The following PLP2 variants were observed in gnomAD, a reference collection of about 807,000 sequenced individuals.
The protein encoded by PLP2 is A4 differentiation-dependent protein.
Under a neutral mutation model 11.4 loss-of-function variants are expected in PLP2, and 8 were observed. The ratio of observed to expected loss-of-function variants is 0.70; its 90% CI spans 0.41 to 1.27. The LOEUF is 1.27. Ranked by LOEUF, PLP2 falls within the 50% of genes most tolerant of loss-of-function variation. The pLI, the probability that PLP2 is intolerant of heterozygous loss-of-function variation, is 0.01. For synonymous variants in PLP2, 50 were observed against 53.2 expected (o/e 0.94, Z 0.26); for missense variants, 127 against 123.5 (o/e 1.03, Z -0.14).
chrX:49,174,361 C>T lies in PLP2; in HGVS notation c.372C>T (p.Leu124=), dbSNP rs782545835. Residue 124 remains leucine (L), a synonymous_variant, in exon 4 of 5, where the codon CTC becomes CTT. Transcript: ENST00000376327. ...AGVLGLIATC[L]FGYDAYVTFP... ...TACTGGGCCTAATCGCTACGTGCCT[C>T]TTTGGCTATGATGCCTATGTCACCT... The T allele has an allele frequency of 8.3e-7, 1 of 1,210,839 alleles. No individual in the cohort carries two copies. Among genetic ancestry groups the T allele is most frequent in the Non-Finnish European group, 1.1e-6 (1 of 894,548 alleles).
rs782375686 is a variant in PLP2 at position 49,173,450 on chromosome X, T to C, written c.312T>C (p.Val104=). 2.8e-5 allele frequency: 34 copies of C among 1,209,924 alleles called. No individual in the cohort carries two copies. In the South Asian group the frequency reaches 5.8e-4, roughly 21 times the overall value. The part of the protein sequence containing the change: ...LYLITSIVVL[V]ERGNHSKIVA... ...TGATCACCTCCATTGTTGTCCTTGT[T>C]GAGAGAGGAAACCACTCCAAAATCG... The change falls in exon 3 of 5, where the codon GTT becomes GTC. Residue 104 remains valine (V), a synonymous_variant. Coordinates refer to ENST00000376327, the MANE Select transcript of PLP2 (RefSeq NM_002668.3).
In PLP2 at chrX:49,172,082, C is replaced by T. The variant is rs1557099272; in HGVS notation, c.82C>T (p.Leu28=). The T allele has an allele frequency of 7.5e-6, 9 of 1,198,598 alleles. No homozygotes were observed. The African/African-American group carries it at 8.7e-5, about 12-fold the overall frequency. Residue 28 remains leucine (L), a synonymous_variant, in exon 1 of 5, where the codon CTG becomes TTG. Coordinates refer to ENST00000376327, the MANE Select transcript of PLP2 (RefSeq NM_002668.3). ...CTCGCGCACTCGAAAGGGAATCCTC[C>T]TGTTTGCTGAGATTGTGAGCGTTCT... The part of the protein sequence containing the change: ...NFSRTRKGIL[L]FAEIILCLVI...
Position 49,173,139 on chromosome X carries a change from T to C in PLP2, c.107T>C (p.Leu36Pro). ...ATGTCACCCTTCCAGATATTATGCC[T>C]GGTGATCCTGATCTGCTTCAGTGCC... ...ILLFAEIILC[L>P]VILICFSAST... The change falls in exon 2 of 5, where the codon CTG (leucine) becomes CCG (proline). Residue 36 changes from leucine to proline, a missense_variant. By Grantham distance (98) the Leu-to-Pro change is moderately conservative. Transcript: ENST00000376327. 8.3e-7 allele frequency: 1 copy of C among 1,210,435 alleles called. No individual in the cohort carries two copies. Among genetic ancestry groups the C allele is most frequent in the Non-Finnish European group, 1.1e-6 (1 of 894,408 alleles).
intron 1 of PLP2, among the ~76,000 whole-genome samples, chrX:49,172,801 G>A (rs781845456): frequency 8.9e-6 from 1 of 112,247 alleles, no homozygotes; most frequent in South Asian, 3.7e-4. Context: ...ACTCCCCTCA[G>A]GCTGCCCGTA....
At chrX:49,172,724 C>T (rs782666066) in intron 1 of PLP2, among the ~76,000 whole-genome samples, 203 of 112,389 alleles carry the variant, frequency 1.8e-3, no homozygotes, top group South Asian at 7.6e-3. Context: ...GGGGGAACCG[C>T]GTGTTCCGCC....
At chrX:49,172,182 A>G in intron 1 of PLP2, 86 bp downstream of exon 1, 1 of 707,559 alleles carries the variant, frequency 1.4e-6, no homozygotes, top group Non-Finnish European at 2.2e-6. Flanking sequence ...TGAGGCAGGC[A>G]CTTGGCCGGG....
Position 49,174,388 on chromosome X carries a change from C to A in PLP2, c.399C>A (p.Phe133Leu), listed in dbSNP as rs782798398. 3 of 1,205,693 alleles carry A rather than the reference C, an allele frequency of 2.5e-6. No homozygotes were observed. The Admixed American group carries it at 6.6e-5, about 27-fold the overall frequency. ...TTGGCTATGATGCCTATGTCACCTT[C>A]CCCGTTCGGCAGCCAAGACATACAG... The part of the protein sequence containing the change: ...CLFGYDAYVT[F>L]PVRQPRHTAA... Residue 133 changes from phenylalanine (F) to leucine (L), a missense_variant, in exon 4 of 5, where the codon TTC becomes TTA. Physicochemically the swap from Phe to Leu is conservative, Grantham distance 22 (BLOSUM62 0). Transcript: ENST00000376327.
chrX:49,173,481 G>C lies in PLP2; in HGVS notation c.343G>C (p.Gly115Arg). Residue 115 changes from glycine to arginine, a missense_variant and splice_region_variant, in exon 3 of 5, where the codon GGG becomes CGG. By Grantham distance (125) the Gly-to-Arg change is moderately radical. Transcript: ENST00000376327. The stretch of plus-strand genomic sequence containing the variant: ...AGGAAACCACTCCAAAATCGTCGCA[G>C]GGGTAAAGGCCATGGGAGCAGCTCT... ...ERGNHSKIVAGVLGLIATCLF... is the reference protein window; with the variant it reads ...ERGNHSKIVARVLGLIATCLF... 8.3e-7 allele frequency: 1 copy of C among 1,211,921 alleles called. No homozygotes were observed. Among genetic ancestry groups the C allele is most frequent in the Non-Finnish European group, 1.1e-6 (1 of 895,581 alleles).
chrX:49,174,656 T>C lies in PLP2; in HGVS notation c.437-16T>C. The C allele has an allele frequency of 8.3e-7, 1 of 1,203,735 alleles. No individual in the cohort carries two copies. The highest frequency in any genetic ancestry group is 1.1e-6 in the Non-Finnish European group (1 of 888,546). On this transcript the variant is annotated splice_polypyrimidine_tract_variant and intron_variant, in intron 4 of 4. Coordinates refer to ENST00000376327, the MANE Select transcript of PLP2 (RefSeq NM_002668.3). ...ATAGATTCAGCCAATGCTTTCTCTCTTTTCCTCACCTGCAGACCCCGCAGA... is the reference window on the plus strand; with the variant it reads ...ATAGATTCAGCCAATGCTTTCTCTCCTTTCCTCACCTGCAGACCCCGCAGA...
At position 49,173,273 on chromosome X, in the gene PLP2, C is replaced by G. The variant is rs992112475; in HGVS notation, c.241C>G (p.Pro81Ala). 1 of 1,210,837 alleles carries G rather than the reference C, an allele frequency of 8.3e-7. No individual in the cohort carries two copies. ...CACCAAGATACCATTCATCAACTGG[C>G]CCTGGAGTGTGAGAAGGGGTCCACA... ...LHTKIPFINW[P>A]WSDFFRTLIA... Residue 81 changes from proline (P) to alanine (A), a missense_variant, in exon 2 of 5, where the codon CCC becomes GCC. Transcript: ENST00000376327.
chrX:49,172,132 G>C (rs782676511), intron 1 of PLP2, 36 bp downstream of exon 1: 1 of 995,195 alleles, frequency 1.0e-6, no homozygotes, highest in Admixed American at 2.3e-5. Flanking sequence ...GGCAAAAGCG[G>C]GATGGGGTGG....
chrX:49,173,076 C>G, intron 1 of PLP2, 53 bp from the exon 2 acceptor site: 1 of 1,142,777 alleles, frequency 8.8e-7, no homozygotes, highest in Non-Finnish European at 1.2e-6. Flanking sequence ...TTAAACCAAT[C>G]TTCTCAGCCC....
In PLP2 at chrX:49,174,418, C is replaced by T; in HGVS notation, c.429C>T (p.Ala143=). ...FPVRQPRHTA[A]PTDPADGPV is the part of the protein sequence containing the mutation. ...TTCGGCAGCCAAGACATACAGCAGC[C>T]CCCACTGGTAAGTGTGTGTGTGTGT... is the stretch of plus-strand genomic sequence containing the variant. Residue 143 remains alanine (A), a synonymous_variant, in exon 4 of 5, where the codon GCC becomes GCT. Coordinates refer to ENST00000376327, the MANE Select transcript of PLP2 (RefSeq NM_002668.3). The T allele has an allele frequency of 2.7e-6, 3 of 1,131,678 alleles. No individual in the cohort carries two copies. Among genetic ancestry groups the T allele is most frequent in the South Asian group, 3.7e-5 (2 of 54,265 alleles). The allele number at this position is 1,131,678 out of a possible 1,213,427, so 93.3% of individuals were successfully genotyped here. A position where few individuals can be genotyped will look rare whatever the true frequency, so the allele number is the denominator to read the frequency against.
Position 49,174,809 on chromosome X carries a change from TA to T in PLP2, c.*119del. Reference sequence around the variant, plus strand: ...ACCAACTCCCACCCCCTCTTTGAGGTAAAAGTGCCTTTATTGGGAGACTTTT... The same window carrying T: ...ACCAACTCCCACCCCCTCTTTGAGGTAAAGTGCCTTTATTGGGAGACTTTT... On this transcript the variant is annotated 3_prime_UTR_variant, in exon 5 of 5. Transcript: ENST00000376327. 3.0e-6 allele frequency: 2 copies of T among 656,705 alleles called. No individual in the cohort carries two copies. Among genetic ancestry groups the T allele is most frequent in the Non-Finnish European group, 4.9e-6 (2 of 405,377 alleles). 54.1% of individuals were successfully genotyped at this position (656,705 alleles called of 1,213,427 possible).
At chrX:49,174,498 C>T in intron 4 of PLP2, 73 bp downstream of exon 4, 1 of 970,533 alleles carries the variant, frequency 1.0e-6, no homozygotes, top group Non-Finnish European at 1.5e-6. Flanking sequence ...AAAGGGATCT[C>T]TTAAAGGCAC....
At chrX:49,172,736 C>G (rs373884115) in intron 1 of PLP2, among the ~76,000 whole-genome samples, 2 of 112,333 alleles carry the variant, frequency 1.8e-5, no homozygotes, top group South Asian at 3.6e-4. Context: ...TGTTCCGCCC[C>G]GGTCAAGGCC....
intron 1 of PLP2, 22 bp from the exon 2 acceptor site, chrX:49,173,107 C>G (rs2065397934): frequency 1.7e-6 from 2 of 1,208,212 alleles, no homozygotes. Context: ...TTGAGGTCCC[C>G]TTTCCCATGT....
chrX:49,174,248 T>G, intron 3 of PLP2, 87 bp from the exon 4 acceptor site: 1 of 696,774 alleles, frequency 1.4e-6, no homozygotes, highest in Non-Finnish European at 2.3e-6. Flanking sequence ...GTGGGGCAGG[T>G]GCTGGAGGTG....
At chrX:49,173,086 C>T in intron 1 of PLP2, 43 bp from the exon 2 acceptor site, 2 of 1,177,481 alleles carry the variant, frequency 1.7e-6, no homozygotes, top group Non-Finnish European at 2.3e-6. Flanking sequence ...CTTCTCAGCC[C>T]TGGTTGCTGA....
Sources: allele counts gnomAD v4.1 joint callset (sites outside exome capture counted in the v4.1 genomes callset), GRCh38; gene constraint gnomAD v4.1.1; transcripts MANE v1.5; gene names NCBI Gene and HGNC (gene_info 2026-07-23, HGNC 2026-07-21).